The following LINGO2 variants were observed in gnomAD, a reference collection of about 807,000 sequenced individuals.
The protein encoded by LINGO2 is leucine rich repeat and Ig domain containing 2, also known as leucine-rich repeat and immunoglobulin-like domain-containing nogo receptor-interacting protein 2.
Under a neutral mutation model 30.6 loss-of-function variants are expected in LINGO2, and 14 were observed. The ratio of observed to expected loss-of-function variants is 0.46; its 90% CI spans 0.30 to 0.72. The LOEUF is 0.72. LINGO2 is among the 30% of genes least tolerant of loss of function. LINGO2 has a pLI of 0.07. For missense variants in LINGO2, 729 were observed against 751.7 expected (o/e 0.97, Z 0.35); for synonymous variants, 317 against 288.5 (o/e 1.10, Z -1.00).
At chr9:28,371,516 T>A (rs551311622) in intron 3 of LINGO2, among the ~76,000 whole-genome samples, 1 of 152,166 alleles carries the variant, frequency 6.6e-6, no homozygotes, top group Non-Finnish European at 1.5e-5. Context: ...CCTTTCGTGA[T>A]TCATGAACCT....
rs570324883 is a variant in LINGO2, at chr9:28,659,437, T to C, written c.-365+10763A>G. Among the ~76,000 whole-genome samples the C allele has an allele frequency of 1.9e-4, 29 of 152,058 alleles. No homozygotes were observed. The South Asian group carries it at 5.2e-3, about 27-fold the overall frequency. On this transcript the variant is annotated intron_variant, in intron 1 of 5. Coordinates refer to ENST00000379992, the Ensembl canonical transcript of LINGO2. Reference sequence around the variant, plus strand: ...GCAATAGCTTGACAGCTGACTTATATACTTTTTTTTCCTTTTTTATCTTTT... The same window carrying C: ...GCAATAGCTTGACAGCTGACTTATACACTTTTTTTTCCTTTTTTATCTTTT...
chr9:28,623,461 G>A (rs1826506001), intron 1 of LINGO2, among the ~76,000 whole-genome samples: 1 of 151,884 alleles, frequency 6.6e-6, no homozygotes, highest in East Asian at 1.9e-4. Context: ...CTTTTCCCCA[G>A]TGTATGTTCT....
intron 3 of LINGO2, among the ~76,000 whole-genome samples, chr9:28,369,734 G>T (rs970579825): frequency 9.9e-5 from 15 of 152,190 alleles, no homozygotes; most frequent in Non-Finnish European, 1.8e-4. Flanking sequence ...AGAGCTTAAG[G>T]TTTTGATGAA....
intron 4 of LINGO2, among the ~76,000 whole-genome samples, chr9:28,222,976 A>G (rs1046384715): frequency 2.6e-5 from 4 of 152,158 alleles, no homozygotes; most frequent in Non-Finnish European, 5.9e-5. Flanking sequence ...AAGAACAAGA[A>G]TAGTCCTATT....
intron 5 of LINGO2, among the ~76,000 whole-genome samples, chr9:27,975,939 A>T (rs2118834403): frequency 6.6e-6 from 1 of 152,214 alleles, no homozygotes; most frequent in South Asian, 2.1e-4. Flanking sequence ...AAACTTGGTG[A>T]TTATATGGAA....
At chr9:29,031,344 G>A in the LINGO2 span, among the ~76,000 whole-genome samples, 3 of 151,968 alleles carry the variant, frequency 2.0e-5, no homozygotes, top group Non-Finnish European at 4.4e-5. Flanking sequence ...GTGCAGTGGC[G>A]CCATCTCGGC....
chr9:28,306,723 G>A (rs565684644), intron 3 of LINGO2, among the ~76,000 whole-genome samples: 1,678 of 151,894 alleles, frequency 0.011, 12 homozygotes, highest in Non-Finnish European at 0.015. Flanking sequence ...TCAAATAGAC[G>A]CAATAAAAAA....
chr9:28,827,957 C>T, the LINGO2 span, among the ~76,000 whole-genome samples: 4 of 151,980 alleles, frequency 2.6e-5, no homozygotes, highest in Non-Finnish European at 5.9e-5. Context: ...ACAGTATACA[C>T]AATCTATATT....
chr9:28,488,665 C>A (rs890428521), intron 1 of LINGO2, among the ~76,000 whole-genome samples: 1 of 152,114 alleles, frequency 6.6e-6, no homozygotes, highest in Non-Finnish European at 1.5e-5. Context: ...GTATTTGGAA[C>A]ATAATGAGTC....
intron 1 of LINGO2, among the ~76,000 whole-genome samples, chr9:28,523,762 A>G (rs1820913850): frequency 6.6e-6 from 1 of 152,190 alleles, no homozygotes; most frequent in Non-Finnish European, 1.5e-5. Context: ...AATATTATTG[A>G]AAGAAATTAA....
chr9:28,313,751 G>C (rs1824722297), intron 3 of LINGO2, among the ~76,000 whole-genome samples: 1 of 152,166 alleles, frequency 6.6e-6, no homozygotes, highest in South Asian at 2.1e-4. Context: ...ATGCAAACTG[G>C]AAATGGGAGT....
In LINGO2 at chr9:28,160,908, A is replaced by G. The variant is rs1828268055; in HGVS notation, c.-87+134300T>C. Reference sequence around the variant, plus strand: ...CCCACCAGGATTTCATTATTCTCTCAATTCCCTTCTTAGCATTTGGGACAC... The same window carrying G: ...CCCACCAGGATTTCATTATTCTCTCGATTCCCTTCTTAGCATTTGGGACAC... On this transcript the variant is annotated intron_variant, in intron 4 of 5. Coordinates refer to ENST00000379992, the Ensembl canonical transcript of LINGO2. Among the ~76,000 whole-genome samples the G allele has an allele frequency of 3.3e-5, 5 of 152,062 alleles. No individual in the cohort carries two copies. In the South Asian group the frequency reaches 1.0e-3, roughly 32 times the overall value.
chr9:28,445,779 CTTA>C (rs1824401372), intron 2 of LINGO2, among the ~76,000 whole-genome samples: 1 of 151,964 alleles, frequency 6.6e-6, no homozygotes, highest in African/African-American at 2.4e-5. Flanking sequence ...GACAATGTTA[CTTA>C]TTGTTGGCAA....
At chr9:28,357,315 G>GC (rs747187754) in intron 3 of LINGO2, among the ~76,000 whole-genome samples, 6,268 of 65,476 alleles carry the variant, frequency 0.096, 511 homozygotes, top group African/African-American at 0.24. Flanking sequence ...CAGAAATAAA[G>GC]CCCACCCCCC....
chr9:29,047,930 C>A, the LINGO2 span, among the ~76,000 whole-genome samples: 1 of 151,574 alleles, frequency 6.6e-6, no homozygotes, highest in Non-Finnish European at 1.5e-5. Context: ...ATGGTGAAAC[C>A]CTGTCTCCCA....
chr9:28,567,447 G>A (rs1587877918), intron 1 of LINGO2, among the ~76,000 whole-genome samples: 1 of 152,072 alleles, frequency 6.6e-6, no homozygotes, highest in Non-Finnish European at 1.5e-5. Flanking sequence ...CATATACACT[G>A]TGAAATAATA....
chr9:28,024,972 C>A (rs1823307495), intron 4 of LINGO2, among the ~76,000 whole-genome samples: 2 of 152,154 alleles, frequency 1.3e-5, no homozygotes, highest in African/African-American at 2.4e-5. Flanking sequence ...ATTTGTTTTG[C>A]TGCCTAGCAC....
intron 4 of LINGO2, among the ~76,000 whole-genome samples, chr9:28,177,241 A>G (rs1020796698): frequency 6.6e-6 from 1 of 152,182 alleles, no homozygotes; most frequent in African/African-American, 2.4e-5. Flanking sequence ...GAGTAAATGT[A>G]TGAATAGAAA....
At chr9:29,154,428 C>G in the LINGO2 span, among the ~76,000 whole-genome samples, 1 of 131,102 alleles carries the variant, frequency 7.6e-6, no homozygotes, top group South Asian at 2.4e-4. Context: ...CCAGCCTGGG[C>G]GACAGAGTGC....
Sources: gnomAD v4.1 joint callset for allele counts (sites outside exome capture counted in the v4.1 genomes callset) on GRCh38, gnomAD v4.1.1 for gene constraint, MANE v1.5 for transcripts, NCBI Gene and HGNC (gene_info 2026-07-23, HGNC 2026-07-21) for gene names.